The following UBN1 variants were observed in gnomAD, a reference collection of about 807,000 sequenced individuals.
UBN1 encodes the protein ubinuclein 1.
UBN1 carries 17 observed loss-of-function variants against 108.5 expected under a neutral mutation model. The observed-to-expected ratio is 0.16, with a 90% CI of 0.11 to 0.24. UBN1 has a LOEUF of 0.24. Among genes scored for constraint, UBN1 ranks in the 10% least tolerant of loss-of-function variants. The pLI, the probability that UBN1 is intolerant of heterozygous loss-of-function variation, is 1.00. For missense variants in UBN1, 1,595 were observed against 1,394.4 expected, an observed-to-expected ratio of 1.14 and a Z score of -2.29; for synonymous variants, 726 against 564.2, an observed-to-expected ratio of 1.29 and a Z score of -4.07.
At chr16:4,869,023 T>A in intron 8 of UBN1, 120 bp downstream of exon 8, 1 of 918,892 alleles carries the variant, frequency 1.1e-6, no homozygotes, top group Non-Finnish European at 1.6e-6. Flanking sequence ...ACCAAGGAGA[T>A]AAAAGAAGAA....
intron 8 of UBN1, among the ~76,000 whole-genome samples, 175 bp from the exon 9 acceptor site, chr16:4,870,037 G>C (rs752656147): frequency 6.6e-6 from 1 of 152,204 alleles, no homozygotes; most frequent in African/African-American, 2.4e-5. Flanking sequence ...GGGAGTTGTT[G>C]TTGTTTGTTG....
Position 4,871,576 on chromosome 16 carries a change from C to CTTT in UBN1, c.1706+301_1706+303dup, listed in dbSNP as rs35865064. ...GCCTCCCATCTCAATATGCACTTTC[C>CTTT]TTTTTTTTTTTTTTTTTTTTTTTTT... On this transcript the variant is annotated intron_variant, in intron 12 of 17. Transcript: ENST00000262376. Among the ~76,000 whole-genome samples the CTTT allele has an allele frequency of 4.9e-4, 43 of 88,424 alleles. 4 individuals are homozygous for CTTT. The highest frequency in any genetic ancestry group is 1.2e-3 in the South Asian group (3 of 2,458). 58.0% of individuals were successfully genotyped at this position (88,424 alleles called of 152,430 possible).
chr16:4,863,281 G>T (rs554062130), intron 7 of UBN1, among the ~76,000 whole-genome samples: 8 of 152,168 alleles, frequency 5.3e-5, no homozygotes, highest in Admixed American at 5.2e-4. Context: ...ATGCTACTCC[G>T]AAGGGTCCTC....
intron 7 of UBN1, among the ~76,000 whole-genome samples, chr16:4,862,844 CCCT>C (rs2087132776): frequency 6.6e-6 from 1 of 152,194 alleles, no homozygotes; most frequent in African/African-American, 2.4e-5. Context: ...GGCAAGCTGC[CCCT>C]CCTCAGTGAT....
In UBN1 at chr16:4,847,603, C is replaced by A. The variant is rs533151151; in HGVS notation, c.-647C>A. 8.9e-6 allele frequency: 3 copies of A among 338,296 alleles called. No homozygotes were observed. The East Asian group carries it at 2.2e-4, about 25-fold the overall frequency. The allele number at this position is 338,296 out of a possible 1,614,324, so 21.0% of individuals were successfully genotyped here. The stretch of plus-strand genomic sequence containing the variant: ...CCGGCCTCGCGGCTCGCCCCGCCCC[C>A]GGGTCTTGGACTCCGCGCCCCTCCC... On this transcript the variant is annotated 5_prime_UTR_variant, in exon 1 of 18. Transcript: ENST00000262376.
intron 2 of UBN1, among the ~76,000 whole-genome samples, chr16:4,855,477 A>G (rs1053702214): frequency 1.3e-5 from 2 of 152,052 alleles, no homozygotes; most frequent in Admixed American, 6.6e-5. Flanking sequence ...TTAGCTGGGC[A>G]TGATGGTGCA....
At chr16:4,878,567 T>C (rs1254656625) in intron 17 of UBN1, among the ~76,000 whole-genome samples, 2 of 152,222 alleles carry the variant, frequency 1.3e-5, no homozygotes, top group African/African-American at 4.8e-5. Context: ...ATAGCACTAG[T>C]GACTCCTCCT....
intron 1 of UBN1, among the ~76,000 whole-genome samples, chr16:4,850,481 T>G (rs953020371): frequency 6.6e-6 from 1 of 152,176 alleles, no homozygotes; most frequent in Non-Finnish European, 1.5e-5. Flanking sequence ...GTTCTATCAG[T>G]GGGGGAATCT....
At chr16:4,869,492 C>T (rs973039256) in intron 8 of UBN1, among the ~76,000 whole-genome samples, 1 of 152,234 alleles carries the variant, frequency 6.6e-6, no homozygotes, top group African/African-American at 2.4e-5. Flanking sequence ...TGCAGTGTTG[C>T]CGCTTTTCTC....
chr16:4,862,369 G>T (rs1359997006), intron 7 of UBN1, among the ~76,000 whole-genome samples: 2 of 152,190 alleles, frequency 1.3e-5, no homozygotes, highest in African/African-American at 4.8e-5. Context: ...CTTGTGTCCA[G>T]CATTGGAAAT....
At position 4,855,606 on chromosome 16, in the gene UBN1, C is replaced by CA. The variant is rs36072146; in HGVS notation, c.250-2362dup. 5.2e-3 allele frequency among the ~76,000 whole-genome samples: 415 copies of CA among 79,924 alleles called. 5 individuals are homozygous for CA. The highest frequency in any genetic ancestry group is 0.016 in the East Asian group (33 of 2,110). 52.4% of individuals were successfully genotyped at this position (79,924 alleles called of 152,430 possible). On this transcript the variant is annotated intron_variant, in intron 2 of 17. Coordinates refer to ENST00000262376, the MANE Select transcript of UBN1 (RefSeq NM_001079514.3). ...ACTGGGTGAAAGCAAGACCCTGTGT[C>CA]AAAAAAAAAAAAAAAAAAAAAAGGC...
At chr16:4,858,848 A>C (rs1481067418) in intron 4 of UBN1, 177 bp from the exon 5 acceptor site, 2 of 983,244 alleles carry the variant, frequency 2.0e-6, no homozygotes, top group Non-Finnish European at 3.1e-6. Flanking sequence ...TCAGAAAGTG[A>C]TGACCAGATC....
intron 4 of UBN1, 58 bp downstream of exon 4, chr16:4,858,721 A>G: frequency 6.5e-7 from 1 of 1,532,798 alleles, no homozygotes; most frequent in Non-Finnish European, 9.0e-7. Flanking sequence ...TCCTCCTGAT[A>G]CTGACCAGGA....
At position 4,871,264 on chromosome 16, in the gene UBN1, G is replaced by A. The variant is rs758650707; in HGVS notation, c.1669G>A (p.Val557Ile). 2 of 1,614,128 alleles carry A rather than the reference G, an allele frequency of 1.2e-6. No individual in the cohort carries two copies. Among genetic ancestry groups the A allele is most frequent in the African/African-American group, 2.7e-5 (2 of 74,946 alleles). ...TGTGAAGGGCTTTCTGGATGCGGAA[G>A]TCAAGCCCCTCTGGCCCAAAGGCTG... Reference protein sequence around the residue: ...DCVKGFLDAEVKPLWPKGWMQ... With the variant: ...DCVKGFLDAEIKPLWPKGWMQ... The change falls in exon 12 of 18, where the codon GTC becomes ATC. Residue 557 changes from valine (V) to isoleucine (I), a missense_variant. Physicochemically the swap from Val to Ile is conservative, Grantham distance 29 (BLOSUM62 3). This residue lies in a region of UBN1 where 1,398 missense variants were observed against 1,194.7 expected (regional missense o/e 1.17). Transcript: ENST00000262376.
chr16:4,854,746 A>G (rs1178151089), intron 2 of UBN1, among the ~76,000 whole-genome samples: 2 of 146,502 alleles, frequency 1.4e-5, no homozygotes, highest in Non-Finnish European at 3.0e-5. Context: ...TTTTTGAGAC[A>G]GAGTCTCGCT....
At chr16:4,858,951 C>T (rs2086929149) in intron 4 of UBN1, 74 bp from the exon 5 acceptor site, 1 of 1,561,580 alleles carries the variant, frequency 6.4e-7, no homozygotes, top group East Asian at 2.2e-5. Flanking sequence ...AGTCACATCT[C>T]TCTCGAGACC....
At position 4,881,318 on chromosome 16, in the gene UBN1, AGG is replaced by A. The variant is rs1362313511; in HGVS notation, c.*1188_*1189del. 6.6e-6 allele frequency: 1 copy of A among 152,586 alleles called. No homozygotes were observed. Among genetic ancestry groups the A allele is most frequent in the African/African-American group, 2.4e-5 (1 of 41,422 alleles). 9.5% of individuals were successfully genotyped at this position (152,586 alleles called of 1,614,324 possible). ...GGCAGTGGGGTTATGTGTCGACTGA[AGG>A]GTGATGTGCAGAAGAGCTTGGAGAG... On this transcript the variant is annotated 3_prime_UTR_variant, in exon 18 of 18. Coordinates refer to ENST00000262376, the MANE Select transcript of UBN1 (RefSeq NM_001079514.3).
At chr16:4,852,685 C>T in intron 1 of UBN1, 194 bp from the exon 2 acceptor site, 1 of 491,220 alleles carries the variant, frequency 2.0e-6, no homozygotes, top group Middle Eastern at 6.0e-4. Flanking sequence ...TGGAAGTATG[C>T]TAAGCAGTGA....
rs1301404217 is a variant in UBN1, at chr16:4,874,193, A to G, written c.1801-18A>G. The G allele has an allele frequency of 1.2e-5, 19 of 1,529,270 alleles. No homozygotes were observed. Among genetic ancestry groups the G allele is most frequent in the Non-Finnish European group, 1.5e-5 (17 of 1,140,720 alleles). The allele number at this position is 1,529,270 out of a possible 1,614,324, so 94.7% of individuals were successfully genotyped here. ...TCTTTGGACCTTTCTAAACATCAACATTTCTGTTTTCCTTTAGGAATCGTC... is the reference window on the plus strand; with the variant it reads ...TCTTTGGACCTTTCTAAACATCAACGTTTCTGTTTTCCTTTAGGAATCGTC... On this transcript the variant is annotated intron_variant, in intron 14 of 17. Coordinates refer to ENST00000262376, the MANE Select transcript of UBN1 (RefSeq NM_001079514.3).
Sources: gnomAD v4.1 joint callset for allele counts (sites outside exome capture counted in the v4.1 genomes callset) on GRCh38, gnomAD v4.1.1 for gene constraint, gnomAD v4.1.1 regional missense constraint, MANE v1.5 for transcripts, NCBI Gene and HGNC (gene_info 2026-07-23, HGNC 2026-07-21) for gene names.